The following PHTF2 variants were observed in gnomAD, a reference collection of about 807,000 sequenced individuals.
PHTF2 encodes the protein protein PHTF2.
A neutral mutation model predicts 101.2 loss-of-function variants in PHTF2; 60 were observed. The ratio of observed to expected loss-of-function variants is 0.59; its 90% CI spans 0.48 to 0.73. PHTF2 has a LOEUF of 0.73. Among genes scored for constraint, PHTF2 ranks in the 30% least tolerant of loss-of-function variants. PHTF2 has a pLI of 0.00. For missense variants in PHTF2, 747 were observed against 908.7 expected, an observed-to-expected ratio of 0.82 and a Z score of 2.29; for synonymous variants, 311 against 307.3, an observed-to-expected ratio of 1.01 and a Z score of -0.13.
chr7:77,932,993 C>T (rs997247691), intron 12 of PHTF2, among the ~76,000 whole-genome samples: 1 of 152,090 alleles, frequency 6.6e-6, no homozygotes, highest in Non-Finnish European at 1.5e-5. Flanking sequence ...AATCCCAGCA[C>T]TTTGGGAGGC....
rs541408712 is a variant in PHTF2, at chr7:77,854,672, G to A, written c.46-61G>A. On this transcript the variant is annotated intron_variant, in intron 2 of 19. Coordinates refer to ENST00000416283, the Ensembl canonical transcript of PHTF2. Reference sequence around the variant, plus strand: ...CCATGCTGTATTCTGCTGCAGTTGTGTTGGCACCCAAGCCACAAGACAAAG... The same window carrying A: ...CCATGCTGTATTCTGCTGCAGTTGTATTGGCACCCAAGCCACAAGACAAAG... The A allele has an allele frequency of 2.9e-5, 20 of 696,958 alleles. 1 individual carries two copies. The highest frequency in any genetic ancestry group is 2.7e-4 in the South Asian group (18 of 66,368). 43.2% of individuals were successfully genotyped at this position (696,958 alleles called of 1,614,324 possible). A position where few individuals can be genotyped will look rare whatever the true frequency, so the allele number is the denominator to read the frequency against.
chr7:77,938,456 C>T (rs571221966), intron 13 of PHTF2, among the ~76,000 whole-genome samples: 26 of 152,214 alleles, frequency 1.7e-4, no homozygotes, highest in East Asian at 5.8e-4. Flanking sequence ...ATTGGCCGGG[C>T]GCGGTGGCTC....
At chr7:77,804,435 C>G (rs1407094680) in intron 1 of PHTF2, among the ~76,000 whole-genome samples, 1 of 152,184 alleles carries the variant, frequency 6.6e-6, no homozygotes, top group Non-Finnish European at 1.5e-5. Flanking sequence ...AAGCAATTCT[C>G]CTGCCTCAGC....
chr7:77,937,441 A>G (rs1310664276), intron 12 of PHTF2, among the ~76,000 whole-genome samples: 11 of 152,196 alleles, frequency 7.2e-5, no homozygotes, highest in Non-Finnish European at 1.3e-4. Flanking sequence ...TTTCATAACC[A>G]TGTAACTTCT....
intron 3 of PHTF2, among the ~76,000 whole-genome samples, chr7:77,881,676 GC>G (rs1799437062): frequency 6.6e-6 from 1 of 152,034 alleles, no homozygotes; most frequent in African/African-American, 2.4e-5. Flanking sequence ...CAGCCAAATG[GC>G]CTTTTTTCAA....
chr7:77,818,207 A>AG (rs1306075151), intron 1 of PHTF2, among the ~76,000 whole-genome samples: 14 of 150,706 alleles, frequency 9.3e-5, no homozygotes, highest in African/African-American at 2.9e-4. Flanking sequence ...CCTAGTCTAT[A>AG]GGTTATCTTT....
intron 12 of PHTF2, among the ~76,000 whole-genome samples, chr7:77,933,716 T>G (rs1804826024): frequency 6.6e-6 from 1 of 151,418 alleles, no homozygotes; most frequent in African/African-American, 2.4e-5. Flanking sequence ...CATGTGTTTT[T>G]TTTTTTTTTT....
At chr7:77,822,677 T>G (rs1021172810) in intron 1 of PHTF2, among the ~76,000 whole-genome samples, 24 of 152,102 alleles carry the variant, frequency 1.6e-4, no homozygotes, top group Admixed American at 3.3e-4. Flanking sequence ...CCAGTCTGGG[T>G]TGGGGAGACA....
chr7:77,887,366 T>C (rs1799956572), intron 3 of PHTF2, among the ~76,000 whole-genome samples: 1 of 152,114 alleles, frequency 6.6e-6, no homozygotes, highest in Non-Finnish European at 1.5e-5. Flanking sequence ...TTTTTTTTTT[T>C]CCTTTTGACT....
chr7:77,906,107 C>T (rs952461745), intron 7 of PHTF2, among the ~76,000 whole-genome samples: 1 of 152,122 alleles, frequency 6.6e-6, no homozygotes, highest in Non-Finnish European at 1.5e-5. Context: ...TCTGCCTCAG[C>T]CTCCCGAGTA....
exon 20 of PHTF2, chr7:77,957,456 C>G (rs1364049055): frequency 6.6e-6 from 1 of 152,186 alleles, no homozygotes; most frequent in Non-Finnish European, 1.5e-5. Context: ...TTTTTGAATA[C>G]AGCAAACTGG....
At chr7:77,894,073 C>G (rs1191320850) in intron 5 of PHTF2, 80 bp downstream of exon 4, 9 of 1,046,740 alleles carry the variant, frequency 8.6e-6, no homozygotes, top group Non-Finnish European at 1.4e-5. Context: ...CTTTTTGGTG[C>G]TACTAACAGA....
intron 1 of PHTF2, among the ~76,000 whole-genome samples, chr7:77,822,693 G>T (rs890713363): frequency 2.6e-5 from 4 of 152,136 alleles, no homozygotes; most frequent in Non-Finnish European, 5.9e-5. Flanking sequence ...AGACAGGGCT[G>T]CAGTGGCCAG....
intron 1 of PHTF2, among the ~76,000 whole-genome samples, chr7:77,802,776 C>T (rs1792659303): frequency 6.6e-6 from 1 of 152,118 alleles, no homozygotes; most frequent in Non-Finnish European, 1.5e-5. Flanking sequence ...AGTGATTTTC[C>T]CATCTTGGCC....
rs141826447 is a variant in PHTF2, at chr7:77,857,420, C to A, written c.147+2586C>A. Among the ~76,000 whole-genome samples the A allele has an allele frequency of 5.5e-3, 841 of 152,270 alleles. 7 individuals carry two copies. Among genetic ancestry groups the A allele is most frequent in the Non-Finnish European group, 7.9e-3 (537 of 68,014 alleles). Reference sequence around the variant, plus strand: ...AGCTTTGAGTAGTTCAGCCATTATCCGCTAAGGAATTCTCCCTTTGTTGAA... The same window carrying A: ...AGCTTTGAGTAGTTCAGCCATTATCAGCTAAGGAATTCTCCCTTTGTTGAA... On this transcript the variant is annotated intron_variant, in intron 3 of 19. Coordinates refer to ENST00000416283, the Ensembl canonical transcript of PHTF2.
At chr7:77,841,075 CTTTTT>C (rs57283892) in intron 2 of PHTF2, among the ~76,000 whole-genome samples, 3 of 77,286 alleles carry the variant, frequency 3.9e-5, no homozygotes, top group African/African-American at 6.7e-5. Flanking sequence ...AAAAAACAGA[CTTTTT>C]TTTTTTTTTT....
intron 1 of PHTF2, among the ~76,000 whole-genome samples, chr7:77,823,418 A>G (rs2150526318): frequency 6.6e-6 from 1 of 151,476 alleles, no homozygotes; most frequent in Non-Finnish European, 1.5e-5. Context: ...ATAGGGTTTC[A>G]CCATGTTGGC....
At chr7:77,884,663 G>A (rs532856513) in intron 3 of PHTF2, among the ~76,000 whole-genome samples, 3 of 152,274 alleles carry the variant, frequency 2.0e-5, no homozygotes, top group East Asian at 3.9e-4. Context: ...CTGGTAGGCC[G>A]AGGCAGGTGG....
At chr7:77,956,710 A>G (rs1465710550) in exon 20 of PHTF2, 1 of 152,618 alleles carries the variant, frequency 6.6e-6, no homozygotes, top group East Asian at 1.9e-4. Context: ...TGCACAGAAT[A>G]TATCAAATAT....
Sources: allele counts gnomAD v4.1 joint callset (sites outside exome capture counted in the v4.1 genomes callset), GRCh38; gene constraint gnomAD v4.1.1; transcripts MANE v1.5; gene names NCBI Gene and HGNC (gene_info 2026-07-23, HGNC 2026-07-21).